The following CDKL5 variants were observed in gnomAD, a reference collection of about 807,000 sequenced individuals.
CDKL5 encodes the protein cyclin dependent kinase like 5.
A neutral mutation model predicts 61.7 loss-of-function variants in CDKL5; 8 were observed. That is an observed-to-expected ratio of 0.13 (90% CI 0.08 to 0.23). The LOEUF (loss-of-function observed/expected upper bound fraction) is 0.23, where lower values mean the gene tolerates loss of function less well. Among genes scored for constraint, CDKL5 ranks in the 10% least tolerant of loss-of-function variants. CDKL5 has a pLI of 1.00. For synonymous variants in CDKL5, 275 were observed against 272.3 expected, an observed-to-expected ratio of 1.01 and a Z score of -0.10; for missense variants, 440 against 734.5, an observed-to-expected ratio of 0.60 and a Z score of 4.63.
intron 3 of CDKL5, among the ~76,000 whole-genome samples, chrX:18,525,896 A>G (rs1285811269): frequency 9.1e-6 from 1 of 109,301 alleles, no homozygotes; most frequent in African/African-American, 3.3e-5. Flanking sequence ...GCAGGCTCCC[A>G]CCACCACGCC....
chrX:18,597,457 C>G (rs777054740), intron 10 of CDKL5, among the ~76,000 whole-genome samples: 1 of 109,987 alleles, frequency 9.1e-6, no homozygotes, highest in African/African-American at 3.3e-5. Context: ...ATTATATTGG[C>G]TCTATTTTAG....
chrX:18,446,538 G>A (rs1931882864), intron 1 of CDKL5, among the ~76,000 whole-genome samples: 1 of 111,898 alleles, frequency 8.9e-6, no homozygotes, highest in African/African-American at 3.2e-5. Flanking sequence ...TGAGCCTGAG[G>A]AGTCTGTTCT....
intron 3 of CDKL5, among the ~76,000 whole-genome samples, chrX:18,530,426 A>AT (rs1039291702): frequency 1.8e-5 from 2 of 109,405 alleles, no homozygotes; most frequent in African/African-American, 6.7e-5. Flanking sequence ...CAGCCTAGTG[A>AT]TTTTTTGCTC....
At chrX:18,647,002 C>T (rs1311210898) in intron 20 of CDKL5, among the ~76,000 whole-genome samples, 2 of 109,101 alleles carry the variant, frequency 1.8e-5, no homozygotes, top group Admixed American at 9.7e-5. Context: ...CTGTAACCTC[C>T]GCTTCCCAGG....
At chrX:18,515,327 A>G (rs193236625) in intron 3 of CDKL5, among the ~76,000 whole-genome samples, 1 of 111,953 alleles carries the variant, frequency 8.9e-6, no homozygotes, top group Non-Finnish European at 1.9e-5. Flanking sequence ...GATTCATGTA[A>G]TTTGTTTCCT....
At chrX:18,475,237 G>A (rs1429402544) in intron 1 of CDKL5, among the ~76,000 whole-genome samples, 3 of 111,047 alleles carry the variant, frequency 2.7e-5, no homozygotes, top group Non-Finnish European at 3.8e-5. Context: ...GGGATTATAG[G>A]CGTGAGCCAC....
intron 3 of CDKL5, among the ~76,000 whole-genome samples, chrX:18,543,881 T>G (rs1241682024): frequency 1.8e-5 from 2 of 111,993 alleles, no homozygotes; most frequent in African/African-American, 3.3e-5. Context: ...TGTGGGAGTT[T>G]CCTCCCCTCT....
chrX:18,472,955 A>ATTT (rs747799624), intron 1 of CDKL5, among the ~76,000 whole-genome samples: 1 of 92,854 alleles, frequency 1.1e-5, no homozygotes, highest in Non-Finnish European at 2.2e-5. Context: ...ATCTCTTCTA[A>ATTT]TTTTTTTTTT....
At chrX:18,526,309 T>C (rs1923438769) in intron 3 of CDKL5, among the ~76,000 whole-genome samples, 1 of 112,519 alleles carries the variant, frequency 8.9e-6, no homozygotes, top group Non-Finnish European at 1.9e-5. Flanking sequence ...CTTGCTGTAA[T>C]TGTTTAGTAG....
chrX:18,623,099 GC>G (rs1926939598), intron 16 of CDKL5, among the ~76,000 whole-genome samples: 1 of 112,206 alleles, frequency 8.9e-6, no homozygotes, highest in Non-Finnish European at 1.9e-5. Context: ...TCTGGAAGCT[GC>G]CTTGGGAAAT....
chrX:18,553,465 C>CGCGTGT (rs1555946409), intron 3 of CDKL5, among the ~76,000 whole-genome samples: 3 of 90,831 alleles, frequency 3.3e-5, no homozygotes, highest in African/African-American at 1.2e-4. Flanking sequence ...TGTGTGTGTG[C>CGCGTGT]GTGTGTGTGT....
chrX:18,498,614 TTTGTTA>T (rs1432586231), intron 1 of CDKL5, among the ~76,000 whole-genome samples: 3 of 111,848 alleles, frequency 2.7e-5, no homozygotes, highest in African/African-American at 9.7e-5. Flanking sequence ...GATTTGTATT[TTTGTTA>T]TTGTTAAGTG....
At chrX:18,445,491 C>T (rs965464079) in intron 1 of CDKL5, among the ~76,000 whole-genome samples, 12 of 111,877 alleles carry the variant, frequency 1.1e-4, no homozygotes, top group African/African-American at 3.9e-4. Flanking sequence ...TGGTTCACCT[C>T]CAGCTTCTTT....
intron 1 of CDKL5, among the ~76,000 whole-genome samples, chrX:18,458,224 G>T (rs1314167653): frequency 9.1e-6 from 1 of 110,152 alleles, no homozygotes; most frequent in Non-Finnish European, 1.9e-5. Context: ...CACCCAGCCT[G>T]CTTAATGTTT....
chrX:18,607,020 A>G (rs1382376147), intron 12 of CDKL5, among the ~76,000 whole-genome samples: 1 of 111,901 alleles, frequency 8.9e-6, no homozygotes, highest in Non-Finnish European at 1.9e-5. Context: ...CAACCCCTTC[A>G]TTTCACAGAT....
chrX:18,431,458 G>A (rs1458978625), intron 1 of CDKL5, among the ~76,000 whole-genome samples: 29 of 100,386 alleles, frequency 2.9e-4, no homozygotes, highest in Non-Finnish European at 3.0e-4. Flanking sequence ...GTCTCGCTCT[G>A]TTGCTCAGGC....
Position 18,634,183 on chromosome X carries a change from A to G in CDKL5, c.*5426A>G, listed in dbSNP as rs984217287. 3.6e-5 allele frequency: 27 copies of G among 752,023 alleles called. No homozygotes were observed. The highest frequency in any genetic ancestry group is 4.1e-5 in the Non-Finnish European group (26 of 638,922). 62.0% of individuals were successfully genotyped at this position (752,023 alleles called of 1,213,427 possible). On this transcript the variant is annotated 3_prime_UTR_variant, in exon 18 of 18. Transcript: ENST00000623535. The stretch of plus-strand genomic sequence containing the variant: ...AGTTGCCTTGTTTGTTACTCTTCCA[A>G]CACAGGGTATCAGGGAGAAAGAGGC...
chrX:18,515,943 C>G (rs1266691671), intron 3 of CDKL5, among the ~76,000 whole-genome samples: 1 of 110,473 alleles, frequency 9.1e-6, no homozygotes, highest in African/African-American at 3.3e-5. Context: ...GGAGCCTTCT[C>G]TTCTCTTCTC....
Position 18,630,069 on chromosome X carries a change from C to T in CDKL5, c.*1312C>T, listed in dbSNP as rs964918870. On this transcript the variant is annotated 3_prime_UTR_variant, in exon 18 of 18. Coordinates refer to ENST00000623535, the MANE Select transcript of CDKL5 (RefSeq NM_001323289.2). ...TCTGAATGCCTTTTTTGCTATTGCTCTCTCCAATACCATATTTAAAAGGCT... is the reference window on the plus strand; with the variant it reads ...TCTGAATGCCTTTTTTGCTATTGCTTTCTCCAATACCATATTTAAAAGGCT... 8 of 750,990 alleles carry T rather than the reference C, an allele frequency of 1.1e-5. No individual in the cohort carries two copies. The highest frequency in any genetic ancestry group is 2.3e-5 in the African/African-American group (1 of 42,987). 61.9% of individuals were successfully genotyped at this position (750,990 alleles called of 1,213,427 possible).
Sources: gnomAD v4.1 joint callset for allele counts (sites outside exome capture counted in the v4.1 genomes callset) on GRCh38, gnomAD v4.1.1 for gene constraint, MANE v1.5 for transcripts, NCBI Gene and HGNC (gene_info 2026-07-23, HGNC 2026-07-21) for gene names.